Variants in MYT1 observed in about 807,000 individuals in gnomAD.
MYT1 encodes myelin transcription factor I.
In MYT1, 23 loss-of-function variants were observed where a neutral mutation model predicts 123.0. The observed-to-expected ratio is 0.19, with a 90% CI of 0.13 to 0.26. MYT1 has a LOEUF of 0.26. Ranked by LOEUF, MYT1 falls within the 10% of genes least tolerant of loss-of-function variation. The probability of loss-of-function intolerance (pLI) is 1.00; values close to 1 mark genes in which losing one functional copy is unlikely to be tolerated. For synonymous variants in MYT1, 518 were observed against 575.3 expected (o/e 0.90, Z 1.43); for missense variants, 1,125 against 1,472.5 (o/e 0.76, Z 3.86).
intron 21 of MYT1, among the ~76,000 whole-genome samples, chr20:64,238,830 G>T (rs1193092658): frequency 6.6e-6 from 1 of 152,198 alleles, no homozygotes; most frequent in African/African-American, 2.4e-5. Flanking sequence ...CCTTTTACTA[G>T]CATCCCTTTG....
chr20:64,214,316 CGT>C (rs1983774822), intron 10 of MYT1, among the ~76,000 whole-genome samples: 1 of 151,132 alleles, frequency 6.6e-6, no homozygotes. Context: ...CACGTGGGAG[CGT>C]GTGTGTGCAT....
At chr20:64,197,460 C>A (rs1410672673) in intron 2 of MYT1, among the ~76,000 whole-genome samples, 1 of 152,208 alleles carries the variant, frequency 6.6e-6, no homozygotes, top group Non-Finnish European at 1.5e-5. Context: ...TTTCCACTCC[C>A]CTGCTTTCCC....
At chr20:64,209,656 G>T (rs1983607149) in intron 7 of MYT1, among the ~76,000 whole-genome samples, 1 of 152,190 alleles carries the variant, frequency 6.6e-6, no homozygotes, top group South Asian at 2.1e-4. Flanking sequence ...AAATGCAGGA[G>T]ACACGGAATT....
At chr20:64,187,797 C>G (rs755653435) in intron 1 of MYT1, among the ~76,000 whole-genome samples, 2 of 152,210 alleles carry the variant, frequency 1.3e-5, no homozygotes, top group African/African-American at 4.8e-5. Context: ...AAGGTTGAGC[C>G]GGGTCCTCAG....
intron 7 of MYT1, among the ~76,000 whole-genome samples, chr20:64,210,317 C>T (rs779570155): frequency 6.6e-5 from 10 of 152,226 alleles, no homozygotes; most frequent in South Asian, 4.1e-4. Flanking sequence ...GCAACGTGAA[C>T]GTGCGGTTCT....
chr20:64,207,041 G>A (rs560940828), intron 6 of MYT1, among the ~76,000 whole-genome samples: 18 of 152,164 alleles, frequency 1.2e-4, no homozygotes, highest in African/African-American at 4.1e-4. Flanking sequence ...GCACCACCAC[G>A]CCCAGCTCAT....
rs374081880 is a variant in MYT1, at chr20:64,169,759, C to T, written c.-99+5020C>T. Among the ~76,000 whole-genome samples the T allele has an allele frequency of 2.8e-3, 429 of 152,254 alleles. 23 individuals are homozygous for T. In the South Asian group the frequency reaches 0.077, roughly 27 times the overall value. ...ACTGGGCCTTAATCTTCGAATGGAA[C>T]AAAAAATCTGACTTAGGTCGTAAGG... On this transcript the variant is annotated intron_variant, in intron 1 of 22. Transcript: ENST00000328439.
Position 64,166,344 on chromosome 20 carries a change from G to A in MYT1, c.-99+1605G>A, listed in dbSNP as rs373206022. ...GCAGTCTTATGGATTCTTCTGTCCCGTAGAGACTGAGACTCCTACAGGGTC... is the reference window on the plus strand; with the variant it reads ...GCAGTCTTATGGATTCTTCTGTCCCATAGAGACTGAGACTCCTACAGGGTC... On this transcript the variant is annotated intron_variant, in intron 1 of 22. Transcript: ENST00000328439. This position sits in a 1 kb window ranked among gnomAD's most constrained non-coding sequence, Gnocchi z 4.9. Among the ~76,000 whole-genome samples, 36 of 152,206 alleles carry A rather than the reference G, an allele frequency of 2.4e-4. No individual in the cohort carries two copies. Among genetic ancestry groups the A allele is most frequent in the African/African-American group, 7.9e-4 (33 of 41,532 alleles).
intron 4 of MYT1, among the ~76,000 whole-genome samples, chr20:64,204,414 G>A (rs535465987): frequency 5.4e-4 from 82 of 152,332 alleles, no homozygotes; most frequent in Admixed American, 4.2e-3. Context: ...GGCAGATGCT[G>A]TTGGTTCCTG....
At chr20:64,219,128 G>A (rs1255897940) in intron 12 of MYT1, 93 bp downstream of exon 12, 1 of 1,455,172 alleles carries the variant, frequency 6.9e-7, no homozygotes, top group East Asian at 2.5e-5. Flanking sequence ...AATGTCCCTA[G>A]GAATGGCTTG....
rs1220801493 is a variant in MYT1, at chr20:64,185,868, G to T, written c.-98-4195G>T. ...CATGACGACAGAAGGAAACCTTGGGGTAGGCCAGCAGCACTTCCTGGGAAG... is the reference window on the plus strand; with the variant it reads ...CATGACGACAGAAGGAAACCTTGGGTTAGGCCAGCAGCACTTCCTGGGAAG... On this transcript the variant is annotated intron_variant, in intron 1 of 22. Coordinates refer to ENST00000328439, the MANE Select transcript of MYT1 (RefSeq NM_004535.3). This position sits in a 1 kb window ranked among gnomAD's most constrained non-coding sequence, Gnocchi z 4.5. 6.6e-6 allele frequency among the ~76,000 whole-genome samples: 1 copy of T among 152,214 alleles called. No individual in the cohort carries two copies. The highest frequency in any genetic ancestry group is 1.5e-5 in the Non-Finnish European group (1 of 68,026).
chr20:64,169,502 C>G (rs1982179989), intron 1 of MYT1, among the ~76,000 whole-genome samples: 1 of 152,184 alleles, frequency 6.6e-6, no homozygotes, highest in Non-Finnish European at 1.5e-5. Context: ...AGACTTAGAG[C>G]TGGGGGACAA....
intron 2 of MYT1, among the ~76,000 whole-genome samples, chr20:64,194,411 G>C (rs974960167): frequency 6.6e-6 from 1 of 152,188 alleles, no homozygotes; most frequent in Admixed American, 6.5e-5. Context: ...ACTCTCCCCT[G>C]AGCACTCCCT....
chr20:64,180,187 C>T (rs1218590030), intron 1 of MYT1, among the ~76,000 whole-genome samples: 1 of 152,010 alleles, frequency 6.6e-6, no homozygotes, highest in African/African-American at 2.4e-5. Flanking sequence ...ATGCTCTATA[C>T]AGTTATACAC....
rs554051218 is a variant in MYT1 at position 64,238,938 on chromosome 20, T to C, written c.3094-822T>C. On this transcript the variant is annotated intron_variant, in intron 21 of 22. Transcript: ENST00000328439. The stretch of plus-strand genomic sequence containing the variant: ...AGGGAAGGCAGGTCCCTATCCCCCA[T>C]GCAACCCTTTCAAAGCCACATGCTT... 9.8e-5 allele frequency among the ~76,000 whole-genome samples: 15 copies of C among 152,334 alleles called. 1 individual carries two copies. In the South Asian group the frequency reaches 1.9e-3, roughly 19 times the overall value.
intron 6 of MYT1, 102 bp from the exon 7 acceptor site, chr20:64,207,492 A>G: frequency 6.6e-7 from 1 of 1,524,292 alleles, no homozygotes; most frequent in Non-Finnish European, 8.8e-7. Context: ...ATAAAGAGTG[A>G]GTGGTAGGTC....
intron 1 of MYT1, among the ~76,000 whole-genome samples, chr20:64,180,376 C>T (rs1006398923): frequency 3.3e-5 from 5 of 152,250 alleles, no homozygotes; most frequent in East Asian, 1.9e-4. Flanking sequence ...GTAGGCATAA[C>T]GTCCTCTTCC....
Position 64,166,940 on chromosome 20 carries a change from T to C in MYT1, c.-99+2201T>C, listed in dbSNP as rs1464273137. Among the ~76,000 whole-genome samples the C allele has an allele frequency of 6.6e-6, 1 of 152,182 alleles. No individual in the cohort carries two copies. The highest frequency in any genetic ancestry group is 1.5e-5 in the Non-Finnish European group (1 of 68,018). Reference sequence around the variant, plus strand: ...CCTGGATGGTGGCTGGAGCTTGGCCTGTCCCTGCTGTGGATGTGGTGGGCG... The same window carrying C: ...CCTGGATGGTGGCTGGAGCTTGGCCCGTCCCTGCTGTGGATGTGGTGGGCG... On this transcript the variant is annotated intron_variant, in intron 1 of 22. Coordinates refer to ENST00000328439, the MANE Select transcript of MYT1 (RefSeq NM_004535.3). This position sits in a 1 kb window ranked among gnomAD's most constrained non-coding sequence, Gnocchi z 4.9.
At chr20:64,187,104 G>T (rs868003242) in intron 1 of MYT1, among the ~76,000 whole-genome samples, 1 of 148,318 alleles carries the variant, frequency 6.7e-6, no homozygotes, top group Non-Finnish European at 1.5e-5. Flanking sequence ...CCATGTTTCC[G>T]TGGAGAGTTT....
Sources: allele counts gnomAD v4.1 joint callset (sites outside exome capture counted in the v4.1 genomes callset), GRCh38; gene constraint gnomAD v4.1.1; non-coding constraint Gnocchi (gnomAD v3.1); transcripts MANE v1.5; gene names NCBI Gene and HGNC (gene_info 2026-07-23, HGNC 2026-07-21).